The following TGFB3 variants were observed in gnomAD, a reference collection of about 807,000 sequenced individuals.
The protein encoded by TGFB3 is transforming growth factor beta-3 proprotein.
In TGFB3, 5 loss-of-function variants were observed where a neutral mutation model predicts 40.1. The observed-to-expected ratio is 0.12, with a 90% confidence interval of 0.07 to 0.26. The LOEUF (loss-of-function observed/expected upper bound fraction) is 0.26, where lower values mean the gene tolerates loss of function less well. TGFB3 is among the 10% of genes least tolerant of loss of function. The pLI, the probability that TGFB3 is intolerant of heterozygous loss-of-function variation, is 1.00. For synonymous variants in TGFB3, 184 were observed against 205.6 expected (o/e 0.89, Z 0.90); for missense variants, 373 against 530.1 (o/e 0.70, Z 2.91).
chr14:75,970,197 T>G (rs1456057649), intron 3 of TGFB3, among the ~76,000 whole-genome samples: 1 of 152,098 alleles, frequency 6.6e-6, no homozygotes, highest in Non-Finnish European at 1.5e-5. Context: ...GCTCTGGTTA[T>G]AGCACTCCCA....
chr14:75,969,259 A>G (rs1379529725), intron 3 of TGFB3, among the ~76,000 whole-genome samples: 1 of 152,178 alleles, frequency 6.6e-6, no homozygotes, highest in Admixed American at 6.5e-5. Context: ...GGGCATCAAT[A>G]TGTGGATGGT....
intron 1 of TGFB3, among the ~76,000 whole-genome samples, chr14:75,974,475 T>G (rs1490307617): frequency 6.6e-6 from 1 of 152,104 alleles, no homozygotes; most frequent in Non-Finnish European, 1.5e-5. Context: ...TAGAGGGTCT[T>G]GGCCAGAGTC....
At chr14:75,965,504 G>A (rs2035210338) in intron 4 of TGFB3, 84 bp downstream of exon 4, 1 of 1,177,930 alleles carries the variant, frequency 8.5e-7, no homozygotes, top group African/African-American at 1.5e-5. Flanking sequence ...TTTTCTTGAG[G>A]TCTGGTAAGG....
chr14:75,966,152 G>C (rs548493845), intron 3 of TGFB3: 51 of 239,800 alleles, frequency 2.1e-4, no homozygotes, highest in African/African-American at 1.1e-3. Flanking sequence ...AAGAGACTAC[G>C]GACAGGGAGT....
rs987927948 is a variant in TGFB3 at position 75,978,575 on chromosome 14, C to T, written c.352+1967G>A. Among the ~76,000 whole-genome samples, 3 of 152,254 alleles carry T rather than the reference C, an allele frequency of 2.0e-5. No individual in the cohort carries two copies. The highest frequency in any genetic ancestry group is 4.4e-5 in the Non-Finnish European group (3 of 68,046). The stretch of plus-strand genomic sequence containing the variant: ...AGCATCCTGAACAGCATCCTGCTCA[C>T]TGTGCTGGGTTGCCCCAGGCCAGAC... On this transcript the variant is annotated intron_variant, in intron 1 of 6. Transcript: ENST00000238682. The surrounding 1 kb of genome is among the most constrained non-coding windows in gnomAD (Gnocchi z 5.0).
upstream of TGFB3, among the ~76,000 whole-genome samples, chr14:75,982,397 C>T (rs2035447101): frequency 6.6e-6 from 1 of 152,246 alleles, no homozygotes; most frequent in African/African-American, 2.4e-5. The surrounding 1 kb of genome is among the most constrained non-coding windows in gnomAD (Gnocchi z 4.0). Flanking sequence ...GCAGGGTCCG[C>T]AGAGGGCGCG....
In TGFB3 at chr14:75,979,707, C is replaced by A. The variant is rs4252317; in HGVS notation, c.352+835G>T. 2.3e-4 allele frequency among the ~76,000 whole-genome samples: 35 copies of A among 149,378 alleles called. No homozygotes were observed. The highest frequency in any genetic ancestry group is 8.5e-4 in the South Asian group (4 of 4,730). On this transcript the variant is annotated intron_variant, in intron 1 of 6. Transcript: ENST00000238682. This position sits in a 1 kb window ranked among gnomAD's most constrained non-coding sequence, Gnocchi z 4.8. ...GGCTCCCAGACATATCCCCCCCCCC[C>A]ACCATGCACCCACTGCCACCCCTCC...
chr14:75,965,820 T>G, intron 3 of TGFB3, 125 bp from the exon 4 acceptor site: 1 of 821,506 alleles, frequency 1.2e-6, no homozygotes, highest in Non-Finnish European at 2.1e-6. Flanking sequence ...TGAGTTCTAT[T>G]GAGGGTCACA....
In TGFB3 at chr14:75,978,357, C is replaced by T. The variant is rs1176410904; in HGVS notation, c.352+2185G>A. On this transcript the variant is annotated intron_variant, in intron 1 of 6. Transcript: ENST00000238682. This position sits in a 1 kb window ranked among gnomAD's most constrained non-coding sequence, Gnocchi z 5.0. ...ATGGCTCTCTGCTCCTGCTCAGCACCTGCCCACTGCCTTCTTTATAGTTAG... is the reference window on the plus strand; with the variant it reads ...ATGGCTCTCTGCTCCTGCTCAGCACTTGCCCACTGCCTTCTTTATAGTTAG... 6.6e-6 allele frequency among the ~76,000 whole-genome samples: 1 copy of T among 152,212 alleles called. No homozygotes were observed. Among genetic ancestry groups the T allele is most frequent in the Non-Finnish European group, 1.5e-5 (1 of 68,042 alleles).
chr14:75,976,837 G>A (rs1013215366), intron 1 of TGFB3, among the ~76,000 whole-genome samples: 3 of 152,148 alleles, frequency 2.0e-5, no homozygotes, highest in Non-Finnish European at 4.4e-5. Flanking sequence ...GGTCTCTGTA[G>A]GCACTTGTGT....
intron 1 of TGFB3, among the ~76,000 whole-genome samples, chr14:75,973,996 C>T (rs986194502): frequency 6.6e-6 from 1 of 152,096 alleles, no homozygotes; most frequent in African/African-American, 2.4e-5. Context: ...GAAAATTAGC[C>T]AGGCCTGGTG....
chr14:75,972,149 G>A (rs2035301898), intron 1 of TGFB3, among the ~76,000 whole-genome samples: 1 of 152,212 alleles, frequency 6.6e-6, no homozygotes, highest in Admixed American at 6.5e-5. Context: ...TATCAAAGAT[G>A]TATTGAGCAG....
chr14:75,982,099 G>A (rs117462711), upstream of TGFB3, among the ~76,000 whole-genome samples: 2,709 of 152,296 alleles, frequency 0.018, 45 homozygotes, highest in Middle Eastern at 0.048. This position sits in a 1 kb window ranked among gnomAD's most constrained non-coding sequence, Gnocchi z 4.0. Flanking sequence ...TTTGCTGCAC[G>A]ATGTTAATGT....
chr14:75,959,036 A>G lies in TGFB3; in HGVS notation c.*151T>C, dbSNP rs1302865531. 5 of 932,668 alleles carry G rather than the reference A, an allele frequency of 5.4e-6. No homozygotes were observed. Among genetic ancestry groups the G allele is most frequent in the Non-Finnish European group, 8.5e-6 (5 of 585,548 alleles). The allele number at this position is 932,668 out of a possible 1,614,324, so 57.8% of individuals were successfully genotyped here. On this transcript the variant is annotated 3_prime_UTR_variant, in exon 7 of 7. Coordinates refer to ENST00000238682, the MANE Select transcript of TGFB3 (RefSeq NM_003239.5). ...AGAGCCAGCAAGAAAGAAATGTTCC[A>G]AAAGGAAACCTCCATCTCAGCCATT...
chr14:75,974,839 C>G (rs2035334385), intron 1 of TGFB3, among the ~76,000 whole-genome samples: 2 of 151,544 alleles, frequency 1.3e-5, no homozygotes, highest in Admixed American at 1.3e-4. Flanking sequence ...GTAATCCCAG[C>G]CAGCACCTTG....
intron 5 of TGFB3, among the ~76,000 whole-genome samples, chr14:75,962,892 C>T (rs538798823): frequency 2.0e-5 from 3 of 152,292 alleles, no homozygotes; most frequent in South Asian, 2.1e-4. Flanking sequence ...TATTTGCCTC[C>T]ATCCAGTAGC....
chr14:75,965,030 A>G (rs1230632258), intron 4 of TGFB3, among the ~76,000 whole-genome samples: 1 of 152,168 alleles, frequency 6.6e-6, no homozygotes, highest in Admixed American at 6.5e-5. Flanking sequence ...AATGACTCTC[A>G]ACGACTTCGC....
chr14:75,970,537 C>CA (rs1219219757), intron 3 of TGFB3: 3 of 150,138 alleles, frequency 2.0e-5, no homozygotes, highest in Non-Finnish European at 4.4e-5. Flanking sequence ...CCAGCTTAGG[C>CA]AACAGAGCGA....
chr14:75,967,622 G>C (rs888289707), intron 3 of TGFB3, among the ~76,000 whole-genome samples: 8 of 152,198 alleles, frequency 5.3e-5, no homozygotes, highest in African/African-American at 1.9e-4. Flanking sequence ...AAGCACAAGA[G>C]GGTGGCCTGG....
Sources: allele counts gnomAD v4.1 joint callset (sites outside exome capture counted in the v4.1 genomes callset), GRCh38; gene constraint gnomAD v4.1.1; non-coding constraint Gnocchi (gnomAD v3.1); transcripts MANE v1.5; gene names NCBI Gene and HGNC (gene_info 2026-07-23, HGNC 2026-07-21).